GPR137C: variants seen among roughly 807,000 people sequenced by gnomAD.
GPR137C encodes the protein integral membrane protein GPR137C.
A neutral mutation model predicts 43.4 loss-of-function variants in GPR137C; 27 were observed. That is an observed-to-expected ratio of 0.62 (90% CI 0.46 to 0.86). The LOEUF is 0.86. Ranked by LOEUF, GPR137C falls within the 40% of genes least tolerant of loss-of-function variation. GPR137C has a pLI of 0.00. For missense variants in GPR137C, 522 were observed against 534.6 expected, an observed-to-expected ratio of 0.98 and a Z score of 0.23; for synonymous variants, 285 against 226.9, an observed-to-expected ratio of 1.26 and a Z score of -2.30.
intron 1 of GPR137C, among the ~76,000 whole-genome samples, chr14:52,562,166 G>GA (rs2038295254): frequency 1.3e-5 from 2 of 148,738 alleles, no homozygotes; most frequent in Middle Eastern, 6.8e-3. Flanking sequence ...TAATAAAATA[G>GA]AAAAAACAAA....
intron 1 of GPR137C, among the ~76,000 whole-genome samples, chr14:52,560,962 G>A (rs1472743173): frequency 2.0e-5 from 3 of 152,026 alleles, no homozygotes; most frequent in African/African-American, 7.2e-5. Context: ...ACATGTATCT[G>A]GCAAAGTACG....
Position 52,624,215 on chromosome 14 carries a change from TA to T in GPR137C, c.718-7931del, listed in dbSNP as rs202158396. ...AGCACAATTCTAAATAACCCATGGG[TA>T]AAAAAAAAAAAAAGAAAGAACAAGG... On this transcript the variant is annotated intron_variant, in intron 3 of 6. Transcript: ENST00000321662. Among the ~76,000 whole-genome samples the T allele has an allele frequency of 3.8e-3, 477 of 124,436 alleles. 3 individuals are homozygous for T. The highest frequency in any genetic ancestry group is 6.0e-3 in the Non-Finnish European group (346 of 58,084). 81.6% of individuals were successfully genotyped at this position (124,436 alleles called of 152,430 possible).
At chr14:52,577,915 A>G (rs1355831059) in intron 1 of GPR137C, among the ~76,000 whole-genome samples, 2 of 152,042 alleles carry the variant, frequency 1.3e-5, no homozygotes, top group African/African-American at 4.8e-5. Flanking sequence ...CAGTGAACTG[A>G]GATCGTGCCA....
intron 3 of GPR137C, chr14:52,612,134 A>AATGT: frequency 2.0e-6 from 2 of 983,664 alleles, no homozygotes; most frequent in Non-Finnish European, 2.4e-6. Context: ...CCTTACTAAA[A>AATGT]ATGTATTTTT....
Position 52,577,181 on chromosome 14 carries a change from C to CT in GPR137C, c.445-21090dup, listed in dbSNP as rs1250295470. 1.4e-4 allele frequency among the ~76,000 whole-genome samples: 8 copies of CT among 55,602 alleles called. No individual in the cohort carries two copies. The South Asian group carries it at 6.2e-3, about 43-fold the overall frequency. The allele number at this position is 55,602 out of a possible 152,430, so 36.5% of individuals were successfully genotyped here. On this transcript the variant is annotated intron_variant, in intron 1 of 6. Coordinates refer to ENST00000321662, the MANE Select transcript of GPR137C (RefSeq NM_001099652.2). ...CAGCCTGGGCGACAGAGTAAGACTC[C>CT]TCAAAAAAAAAAAAAAAAAAAAAAA...
intron 3 of GPR137C, among the ~76,000 whole-genome samples, chr14:52,617,691 A>C (rs1482643507): frequency 2.0e-5 from 3 of 152,194 alleles, no homozygotes; most frequent in African/African-American, 7.2e-5. Flanking sequence ...ACAAACAAAC[A>C]AACAAACAAA....
intron 1 of GPR137C, chr14:52,596,834 T>C (rs1247222040): frequency 1.6e-5 from 7 of 439,018 alleles, no homozygotes; most frequent in Non-Finnish European, 2.8e-5. Context: ...CTGCACCCAC[T>C]GTCCAACCAG....
intron 1 of GPR137C, among the ~76,000 whole-genome samples, chr14:52,568,245 C>G (rs1015672068): frequency 3.3e-5 from 5 of 152,152 alleles, no homozygotes; most frequent in Non-Finnish European, 5.9e-5. Flanking sequence ...ATGAGGGACT[C>G]TGCCTTGAAA....
rs11420705 is a variant in GPR137C at position 52,581,533 on chromosome 14, CA to C, written c.445-16726del. On this transcript the variant is annotated intron_variant, in intron 1 of 6. Transcript: ENST00000321662. ...CCTGGGCAACAGAGAGACTCCGTCT[CA>C]AAAAAAAAAAAAGAAAGAAAGTGAA... Among the ~76,000 whole-genome samples, 516 of 127,888 alleles carry C rather than the reference CA, an allele frequency of 4.0e-3. 1 individual carries two copies. The highest frequency in any genetic ancestry group is 8.3e-3 in the African/African-American group (294 of 35,272). 83.9% of individuals were successfully genotyped at this position (127,888 alleles called of 152,430 possible). A position where few individuals can be genotyped will look rare whatever the true frequency, so the allele number is the denominator to read the frequency against.
At chr14:52,610,811 C>T (rs890614099) in intron 3 of GPR137C, among the ~76,000 whole-genome samples, 1 of 152,168 alleles carries the variant, frequency 6.6e-6, no homozygotes, top group African/African-American at 2.4e-5. Flanking sequence ...GCAAATTGAA[C>T]CAATAAACAT....
intron 3 of GPR137C, among the ~76,000 whole-genome samples, chr14:52,625,778 TCTC>T (rs1270060234): frequency 1.3e-5 from 2 of 151,662 alleles, no homozygotes; most frequent in Non-Finnish European, 2.9e-5. Flanking sequence ...ATGGTCTCGA[TCTC>T]CTGATCTTGT....
intron 1 of GPR137C, 71 bp downstream of exon 1, chr14:52,553,662 G>C: frequency 9.3e-5 from 63 of 674,002 alleles, no homozygotes; most frequent in Middle Eastern, 2.6e-4. Flanking sequence ...TCCCGCTGAG[G>C]ACCAGCGGGG....
intron 4 of GPR137C, among the ~76,000 whole-genome samples, chr14:52,632,576 A>T: frequency 6.6e-6 from 1 of 151,950 alleles, no homozygotes; most frequent in East Asian, 1.9e-4. Flanking sequence ...GTCATATGCT[A>T]ATTTTACTTA....
At position 52,632,324 on chromosome 14, in the gene GPR137C, C is replaced by T. The variant is rs138532139; in HGVS notation, c.867+15C>T. ...TTTCAGATAAGGTAAATACCTACCA[C>T]GTATTGCCAGTCTAACAATGTGATA... On this transcript the variant is annotated intron_variant, in intron 4 of 6. Coordinates refer to ENST00000321662, the MANE Select transcript of GPR137C (RefSeq NM_001099652.2). The T allele has an allele frequency of 3.1e-5, 49 of 1,579,720 alleles. No homozygotes were observed. Among genetic ancestry groups the T allele is most frequent in the African/African-American group, 2.0e-4 (15 of 73,800 alleles).
At chr14:52,585,740 C>A (rs758414390) in intron 1 of GPR137C, among the ~76,000 whole-genome samples, 4 of 152,124 alleles carry the variant, frequency 2.6e-5, no homozygotes, top group African/African-American at 9.6e-5. Context: ...GAGGCTGAGG[C>A]GTGAGAATCA....
rs1594775367 is a variant in GPR137C, at chr14:52,553,684, G to A, written c.444+93G>A. ...GAGGACCAGCGGGGGCGGGGGGTGGGCAGCGAGAGGCGGACTGGAAACCAG... is the reference window on the plus strand; with the variant it reads ...GAGGACCAGCGGGGGCGGGGGGTGGACAGCGAGAGGCGGACTGGAAACCAG... On this transcript the variant is annotated intron_variant, in intron 1 of 6. Coordinates refer to ENST00000321662, the MANE Select transcript of GPR137C (RefSeq NM_001099652.2). 5.9e-6 allele frequency: 3 copies of A among 508,544 alleles called. No homozygotes were observed. The South Asian group carries it at 6.1e-5, about 10-fold the overall frequency. 31.5% of individuals were successfully genotyped at this position (508,544 alleles called of 1,614,324 possible). A position where few individuals can be genotyped will look rare whatever the true frequency, so the allele number is the denominator to read the frequency against.
At chr14:52,615,310 T>C (rs2039086411) in intron 3 of GPR137C, among the ~76,000 whole-genome samples, 1 of 152,190 alleles carries the variant, frequency 6.6e-6, no homozygotes, top group Non-Finnish European at 1.5e-5. Flanking sequence ...CCTACTGGTT[T>C]ATGTGTCTGT....
chr14:52,584,710 G>GA (rs1051065189), intron 1 of GPR137C, among the ~76,000 whole-genome samples: 3 of 152,060 alleles, frequency 2.0e-5, no homozygotes, highest in Non-Finnish European at 4.4e-5. Flanking sequence ...CTCCTGGGCT[G>GA]AAGCCATCCT....
chr14:52,630,329 T>TA (rs1174590608), intron 3 of GPR137C, among the ~76,000 whole-genome samples: 1 of 152,160 alleles, frequency 6.6e-6, no homozygotes, highest in Non-Finnish European at 1.5e-5. Context: ...TATAAACTTT[T>TA]GCAGTTATTT....
Sources: allele counts gnomAD v4.1 joint callset (sites outside exome capture counted in the v4.1 genomes callset), GRCh38; gene constraint gnomAD v4.1.1; transcripts MANE v1.5; gene names NCBI Gene and HGNC (gene_info 2026-07-23, HGNC 2026-07-21).